KCNQ5: variants seen among roughly 807,000 people sequenced by gnomAD.
The protein encoded by KCNQ5 is potassium voltage-gated channel subfamily KQT member 5.
KCNQ5 carries 30 observed loss-of-function variants against 98.2 expected under a neutral mutation model. That is an observed-to-expected ratio of 0.31 (90% CI 0.23 to 0.41). The LOEUF is 0.41. Ranked by LOEUF, KCNQ5 falls within the 10% of genes least tolerant of loss-of-function variation. The pLI, the probability that KCNQ5 is intolerant of heterozygous loss-of-function variation, is 1.00. For missense variants in KCNQ5, 835 were observed against 1,182.5 expected (o/e 0.71, Z 4.31); for synonymous variants, 458 against 449.4 (o/e 1.02, Z -0.24).
At chr6:72,907,668 C>A (rs1042672293) in intron 1 of KCNQ5, among the ~76,000 whole-genome samples, 1 of 151,994 alleles carries the variant, frequency 6.6e-6, no homozygotes. Flanking sequence ...AACTATTATA[C>A]CTTATATTTT....
chr6:72,935,582 AC>A (rs1765881832), intron 1 of KCNQ5, among the ~76,000 whole-genome samples: 1 of 152,128 alleles, frequency 6.6e-6, no homozygotes, highest in East Asian at 1.9e-4. Flanking sequence ...TATCATTCTC[AC>A]CAGCTTTTTG....
At chr6:72,874,162 A>T (rs1482510852) in intron 1 of KCNQ5, among the ~76,000 whole-genome samples, 1 of 152,078 alleles carries the variant, frequency 6.6e-6, no homozygotes, top group East Asian at 1.9e-4. Flanking sequence ...ACCTGAAAGG[A>T]CAAATATTTT....
At chr6:73,131,888 G>A (rs1446735993) in intron 9 of KCNQ5, among the ~76,000 whole-genome samples, 4 of 152,162 alleles carry the variant, frequency 2.6e-5, no homozygotes, top group Admixed American at 6.5e-5. Context: ...TGCCTTCAGC[G>A]AGTCATGCTG....
intron 1 of KCNQ5, among the ~76,000 whole-genome samples, chr6:72,820,255 C>A (rs1015884685): frequency 1.3e-5 from 2 of 152,160 alleles, no homozygotes; most frequent in Non-Finnish European, 2.9e-5. Flanking sequence ...TCACCATCAG[C>A]TGTAAATTTG....
At chr6:72,994,268 G>A (rs1435547844) in intron 1 of KCNQ5, among the ~76,000 whole-genome samples, 7 of 56,848 alleles carry the variant, frequency 1.2e-4, no homozygotes, top group African/African-American at 1.9e-4. Flanking sequence ...CCTCGTTGCC[G>A]CCTTGCAGTT....
At chr6:73,165,837 C>T (rs984916621) in intron 10 of KCNQ5, among the ~76,000 whole-genome samples, 8 of 151,720 alleles carry the variant, frequency 5.3e-5, no homozygotes, top group African/African-American at 1.7e-4. Flanking sequence ...CCCAGCTACT[C>T]GGGAGGCTGG....
At chr6:73,133,382 T>C (rs1776317144) in intron 9 of KCNQ5, 39 bp from the exon 10 acceptor site, 2 of 1,573,476 alleles carry the variant, frequency 1.3e-6, no homozygotes, top group African/African-American at 2.7e-5. Flanking sequence ...GTGGAAGAAA[T>C]TGCTTGAAAT....
chr6:72,752,592 C>A (rs1391135461), intron 1 of KCNQ5, among the ~76,000 whole-genome samples: 1 of 152,054 alleles, frequency 6.6e-6, no homozygotes, highest in Non-Finnish European at 1.5e-5. Flanking sequence ...TGTGAGTCTC[C>A]AAGTTGTATT....
chr6:73,121,350 A>AT (rs1775742019), intron 8 of KCNQ5, among the ~76,000 whole-genome samples: 1 of 150,792 alleles, frequency 6.6e-6, no homozygotes, highest in African/African-American at 2.5e-5. Context: ...AAAAAAAAAA[A>AT]GGGCTTAGTC....
intron 1 of KCNQ5, among the ~76,000 whole-genome samples, chr6:72,891,005 A>T (rs1330553942): frequency 6.6e-6 from 1 of 152,234 alleles, no homozygotes; most frequent in Non-Finnish European, 1.5e-5. Flanking sequence ...GACTAGAGAC[A>T]GACAAATTTT....
intron 1 of KCNQ5, among the ~76,000 whole-genome samples, chr6:72,929,518 T>C (rs1447343458): frequency 6.6e-6 from 1 of 152,186 alleles, no homozygotes; most frequent in African/African-American, 2.4e-5. Context: ...CTTCATGTGT[T>C]TCATGTGGCT....
chr6:73,118,677 G>T (rs575857252), intron 7 of KCNQ5, among the ~76,000 whole-genome samples: 1 of 152,186 alleles, frequency 6.6e-6, no homozygotes, highest in South Asian at 2.1e-4. Flanking sequence ...CTTCATTATG[G>T]ATTTCACAAT....
chr6:72,622,619 G>T lies in KCNQ5; in HGVS notation c.398+32G>T. ...ACCCGCGCCCCCTGCTATGCCCGCT[G>T]CAGGGGACCACTGTCCCTGGCCCCC... is the stretch of plus-strand genomic sequence containing the variant. On this transcript the variant is annotated intron_variant, in intron 1 of 13. Coordinates refer to ENST00000370398, the MANE Select transcript of KCNQ5 (RefSeq NM_019842.4). This position sits in a 1 kb window ranked among gnomAD's most constrained non-coding sequence, Gnocchi z 6.0. 6 of 1,609,078 alleles carry T rather than the reference G, an allele frequency of 3.7e-6. No homozygotes were observed. The African/African-American group carries it at 4.0e-5, about 11-fold the overall frequency.
At chr6:73,129,854 C>T (rs574476649) in intron 9 of KCNQ5, 1 of 1,610,740 alleles carries the variant, frequency 6.2e-7, no homozygotes, top group Non-Finnish European at 8.5e-7. Flanking sequence ...GCAGAGGTAC[C>T]CAGCATCCGG....
chr6:72,668,106 A>G (rs1766919603), intron 1 of KCNQ5, among the ~76,000 whole-genome samples: 1 of 152,224 alleles, frequency 6.6e-6, no homozygotes, highest in South Asian at 2.1e-4. Flanking sequence ...TACTATGATT[A>G]TATAAGAAGT....
intron 1 of KCNQ5, among the ~76,000 whole-genome samples, chr6:72,898,185 G>A (rs948030953): frequency 1.3e-5 from 2 of 152,064 alleles, no homozygotes; most frequent in Non-Finnish European, 2.9e-5. Flanking sequence ...TAAGTTCCAG[G>A]ATACATGTGC....
At chr6:72,980,335 T>C (rs1372437908) in intron 1 of KCNQ5, among the ~76,000 whole-genome samples, 5 of 152,232 alleles carry the variant, frequency 3.3e-5, no homozygotes, top group Non-Finnish European at 7.3e-5. Flanking sequence ...CATTTGTTTG[T>C]GTCCTCTTTT....
At chr6:72,782,719 G>A (rs1773552552) in intron 1 of KCNQ5, among the ~76,000 whole-genome samples, 1 of 151,526 alleles carries the variant, frequency 6.6e-6, no homozygotes, top group South Asian at 2.1e-4. Flanking sequence ...CATAATACCT[G>A]GTTTTTTATC....
At chr6:72,924,706 C>T (rs560054791) in intron 1 of KCNQ5, among the ~76,000 whole-genome samples, 16 of 152,164 alleles carry the variant, frequency 1.1e-4, no homozygotes, top group Non-Finnish European at 2.4e-4. Flanking sequence ...TTCAACACTT[C>T]GACCTCCCTT....
Sources: allele counts gnomAD v4.1 joint callset (sites outside exome capture counted in the v4.1 genomes callset), GRCh38; gene constraint gnomAD v4.1.1; non-coding constraint Gnocchi (gnomAD v3.1); transcripts MANE v1.5; gene names NCBI Gene and HGNC (gene_info 2026-07-23, HGNC 2026-07-21).